RNMT: variants seen among roughly 807,000 people sequenced by gnomAD.
The protein encoded by RNMT is RNA guanine-7 methyltransferase.
RNMT carries 27 observed loss-of-function variants against 56.0 expected under a neutral mutation model. That is an observed-to-expected ratio of 0.48 (90% confidence interval 0.36 to 0.67). The LOEUF (loss-of-function observed/expected upper bound fraction) is 0.67. Among genes scored for constraint, RNMT ranks in the 30% least tolerant of loss-of-function variants. The pLI, the probability that RNMT is intolerant of heterozygous loss-of-function variation, is 0.00. For synonymous variants in RNMT, 184 were observed against 176.2 expected (o/e 1.04, Z -0.35); for missense variants, 519 against 552.1 (o/e 0.94, Z 0.60).
rs2044598969 is a variant in RNMT, at chr18:13,759,926, T to C, written c.1394-16T>C. 5 of 1,598,432 alleles carry C rather than the reference T, an allele frequency of 3.1e-6. No individual in the cohort carries two copies. Among genetic ancestry groups the C allele is most frequent in the East Asian group, 2.2e-5 (1 of 44,766 alleles). On this transcript the variant is annotated splice_polypyrimidine_tract_variant and intron_variant, in intron 11 of 11. Transcript: ENST00000383314. ...AATCATATGAGAAACTGAACTCTTA[T>C]TTATTTCTTCTTTAGGTATTTACTT...
At chr18:13,727,036 T>A (rs759155073) in intron 1 of RNMT, among the ~76,000 whole-genome samples, 22 of 152,128 alleles carry the variant, frequency 1.4e-4, no homozygotes, top group Non-Finnish European at 1.6e-4. Flanking sequence ...GGTCCGCAGG[T>A]TTGTCTTCAG....
At chr18:13,732,740 CCCTTTTTT>C (rs1174056956) in intron 3 of RNMT, among the ~76,000 whole-genome samples, 1 of 90,206 alleles carries the variant, frequency 1.1e-5, no homozygotes, top group Non-Finnish European at 2.4e-5. Context: ...GGGGAGCCCC[CCCTTTTTT>C]TTTTTTTTTT....
chr18:13,739,569 G>A (rs1478217159), intron 5 of RNMT, among the ~76,000 whole-genome samples: 3 of 152,140 alleles, frequency 2.0e-5, no homozygotes, highest in Non-Finnish European at 2.9e-5. Flanking sequence ...GATCACTTGA[G>A]GCCAGAAGTT....
In RNMT at chr18:13,762,325, G is replaced by A; in HGVS notation, c.*2346G>A. The A allele has an allele frequency of 1.3e-6, 1 of 797,716 alleles. No individual in the cohort carries two copies. Among genetic ancestry groups the A allele is most frequent in the Admixed American group, 3.1e-5 (1 of 32,518 alleles). The allele number at this position is 797,716 out of a possible 1,614,324, so 49.4% of individuals were successfully genotyped here. ...ACTTGAGAAAGCACTAGTGGCTTGT[G>A]TTCAGGGAGAGGAGCTGGCAGTTTT... On this transcript the variant is annotated 3_prime_UTR_variant, in exon 12 of 12. Coordinates refer to ENST00000383314, the MANE Select transcript of RNMT (RefSeq NM_003799.3).
Position 13,761,759 on chromosome 18 carries a change from C to T in RNMT, c.*1780C>T. The T allele has an allele frequency of 1.7e-6, 2 of 1,193,268 alleles. No homozygotes were observed. Among genetic ancestry groups the T allele is most frequent in the Non-Finnish European group, 1.0e-6 (1 of 956,456 alleles). 73.9% of individuals were successfully genotyped at this position (1,193,268 alleles called of 1,614,324 possible). On this transcript the variant is annotated 3_prime_UTR_variant, in exon 12 of 12. Coordinates refer to ENST00000383314, the MANE Select transcript of RNMT (RefSeq NM_003799.3). Reference sequence around the variant, plus strand: ...TCAGGGAGGCTTACTGGAGCCACACCTGCAGGCGCTGTGTTCAGGCACCAC... The same window carrying T: ...TCAGGGAGGCTTACTGGAGCCACACTTGCAGGCGCTGTGTTCAGGCACCAC...
intron 8 of RNMT, among the ~76,000 whole-genome samples, chr18:13,745,671 T>G (rs990456144): frequency 6.6e-6 from 1 of 150,682 alleles, no homozygotes; most frequent in Non-Finnish European, 1.5e-5. Context: ...GAACTACCGA[T>G]AGCTGGGGGG....
At chr18:13,744,110 A>G (rs1028306021) in intron 8 of RNMT, among the ~76,000 whole-genome samples, 1 of 147,928 alleles carries the variant, frequency 6.8e-6, no homozygotes, top group African/African-American at 2.5e-5. Context: ...TCAAAAAGAT[A>G]ATAAAACAAA....
At chr18:13,757,538 C>G (rs2044563851) in intron 11 of RNMT, among the ~76,000 whole-genome samples, 1 of 152,336 alleles carries the variant, frequency 6.6e-6, no homozygotes, top group East Asian at 1.9e-4. Flanking sequence ...TAAGAAGCAG[C>G]TCTTCATTTG....
chr18:13,757,715 C>G (rs867638494), intron 11 of RNMT, among the ~76,000 whole-genome samples: 10 of 152,138 alleles, frequency 6.6e-5, no homozygotes, highest in African/African-American at 2.4e-4. Context: ...TCTAAACTTG[C>G]GTTCATGTTG....
At chr18:13,754,215 C>A in intron 11 of RNMT, 68 bp downstream of exon 11, 1 of 1,118,288 alleles carries the variant, frequency 8.9e-7, no homozygotes, top group Non-Finnish European at 1.3e-6. Flanking sequence ...ATCATTAAAA[C>A]CTGAAAAAAG....
chr18:13,760,834 T>C lies in RNMT; in HGVS notation c.*855T>C. ...AATATTCTCACCATCTGATGCCATG[T>C]ACCCACTTCAGAAATAAGCAATACT... On this transcript the variant is annotated 3_prime_UTR_variant, in exon 12 of 12. Transcript: ENST00000383314. 1 of 985,476 alleles carries C rather than the reference T, an allele frequency of 1.0e-6. No individual in the cohort carries two copies. Among genetic ancestry groups the C allele is most frequent in the African/African-American group, 1.7e-5 (1 of 57,376 alleles). The allele number at this position is 985,476 out of a possible 1,614,324, so 61.0% of individuals were successfully genotyped here. A position where few individuals can be genotyped will look rare whatever the true frequency, so the allele number is the denominator to read the frequency against.
At chr18:13,732,741 C>CT (rs1255778917) in intron 3 of RNMT, among the ~76,000 whole-genome samples, 2,072 of 27,696 alleles carry the variant, frequency 0.075, 49 homozygotes, top group African/African-American at 0.11. Context: ...GGGAGCCCCC[C>CT]CTTTTTTTTT....
Position 13,740,224 on chromosome 18 carries a change from G to C in RNMT, c.737G>C (p.Arg246Pro). The change falls in exon 6 of 12, where the codon CGT becomes CCT. Residue 246 changes from arginine (R) to proline (P), a missense_variant. Coordinates refer to ENST00000383314, the MANE Select transcript of RNMT (RefSeq NM_003799.3). ...CAGCGGTATGAGGACATGAAAAATC[G>C]TCGTGATAGTGAATATATTTTCAGT... ...CQQRYEDMKN[R>P]RDSEYIFSAE... 1 of 1,612,772 alleles carries C rather than the reference G, an allele frequency of 6.2e-7. No homozygotes were observed. The highest frequency in any genetic ancestry group is 8.5e-7 in the Non-Finnish European group (1 of 1,178,856).
At chr18:13,739,304 G>T (rs563151088) in intron 5 of RNMT, among the ~76,000 whole-genome samples, 1 of 152,202 alleles carries the variant, frequency 6.6e-6, no homozygotes, top group African/African-American at 2.4e-5. Flanking sequence ...AAAAGCCCAG[G>T]TTTAATAAAA....
intron 3 of RNMT, among the ~76,000 whole-genome samples, chr18:13,734,213 C>T (rs2044121890): frequency 6.6e-6 from 1 of 152,162 alleles, no homozygotes; most frequent in African/African-American, 2.4e-5. Context: ...CATTGAACCT[C>T]TTTTTGTTTA....
Position 13,763,343 on chromosome 18 carries a change from G to C in RNMT, c.*3364G>C, listed in dbSNP as rs1302622231. Reference sequence around the variant, plus strand: ...CTGTCAGTTCTTCCCTCCCTCTCGTGCTGCTCAGTTTGTCCTCTGCTCCCA... The same window carrying C: ...CTGTCAGTTCTTCCCTCCCTCTCGTCCTGCTCAGTTTGTCCTCTGCTCCCA... On this transcript the variant is annotated 3_prime_UTR_variant, in exon 12 of 12. Transcript: ENST00000383314. The C allele has an allele frequency of 2.9e-5, 10 of 339,638 alleles. No individual in the cohort carries two copies. Among genetic ancestry groups the C allele is most frequent in the Non-Finnish European group, 5.9e-5 (10 of 169,366 alleles). 21.0% of individuals were successfully genotyped at this position (339,638 alleles called of 1,614,324 possible).
intron 3 of RNMT, among the ~76,000 whole-genome samples, chr18:13,734,068 C>A (rs111810270): frequency 6.6e-6 from 1 of 152,146 alleles, no homozygotes; most frequent in Non-Finnish European, 1.5e-5. Flanking sequence ...ATAAGTCTCA[C>A]GAGATCTGAT....
rs1274929549 is a variant in RNMT, at chr18:13,737,084, G to A, written c.628G>A (p.Gly210Arg). Residue 210 changes from glycine to arginine, a missense_variant, in exon 5 of 12, where the codon GGA becomes AGA. Physicochemically the swap from Gly to Arg is moderately radical, Grantham distance 125. Transcript: ENST00000383314. ...TTTGGACCTGGGATGTGGTAAAGGT[G>A]GAGATTTGCTGAAATGGAAAAAAGG... Reference protein sequence around the residue: ...TVLDLGCGKGGDLLKWKKGRI... With the variant: ...TVLDLGCGKGRDLLKWKKGRI... The A allele has an allele frequency of 1.2e-6, 2 of 1,613,022 alleles. No homozygotes were observed. Among genetic ancestry groups the A allele is most frequent in the Non-Finnish European group, 1.7e-6 (2 of 1,179,260 alleles).
chr18:13,731,990 G>A, intron 3 of RNMT, 56 bp downstream of exon 3: 1 of 1,373,408 alleles, frequency 7.3e-7, no homozygotes, highest in Non-Finnish European at 9.9e-7. Flanking sequence ...TTGAAATGTG[G>A]AACACCCGTG....
Sources: gnomAD v4.1 joint callset for allele counts (sites outside exome capture counted in the v4.1 genomes callset) on GRCh38, gnomAD v4.1.1 for gene constraint, MANE v1.5 for transcripts, NCBI Gene and HGNC (gene_info 2026-07-23, HGNC 2026-07-21) for gene names.